HSPA4: variants seen among roughly 807,000 people sequenced by gnomAD.
The protein encoded by HSPA4 is heat shock 70 kDa protein 4.
In HSPA4, 25 loss-of-function variants were observed where a neutral mutation model predicts 106.2. That is an observed-to-expected ratio of 0.24 (90% confidence interval 0.17 to 0.33). The LOEUF (loss-of-function observed/expected upper bound fraction) is 0.33. HSPA4 is among the 10% of genes least tolerant of loss of function. The pLI is 1.00. For synonymous variants in HSPA4, 332 were observed against 333.6 expected, an observed-to-expected ratio of 1.00 and a Z score of 0.05; for missense variants, 841 against 996.0, an observed-to-expected ratio of 0.84 and a Z score of 2.10.
At chr5:133,073,879 T>C in intron 5 of HSPA4, 114 bp from the exon 6 acceptor site, 1 of 604,884 alleles carries the variant, frequency 1.7e-6, no homozygotes, top group Non-Finnish European at 2.6e-6. Context: ...ATTTGATTTC[T>C]AAAACATAAC....
intron 2 of HSPA4, among the ~76,000 whole-genome samples, chr5:133,065,632 A>G (rs1325552892): frequency 6.6e-6 from 1 of 152,216 alleles, no homozygotes; most frequent in Admixed American, 6.5e-5. Context: ...GATATTTTAC[A>G]TGCTCCTTAA....
At chr5:133,080,779 A>G (rs74871729) in intron 7 of HSPA4, among the ~76,000 whole-genome samples, 2,661 of 151,282 alleles carry the variant, frequency 0.018, 78 homozygotes, top group African/African-American at 0.058. Flanking sequence ...TCTGACATTT[A>G]TTCTTATACT....
At chr5:133,092,828 TTTTTTTTTTTG>T in intron 13 of HSPA4, 39 bp downstream of exon 13, 1 of 1,216,306 alleles carries the variant, frequency 8.2e-7, no homozygotes, top group African/African-American at 1.7e-5. Context: ...TTTTTTTTTT[TTTTTTTTTTTG>T]AGACAGAGTT....
rs1235278409 is a variant in HSPA4 at position 133,067,533 on chromosome 5, G to A, written c.282G>A (p.Leu94=). 6.2e-6 allele frequency: 10 copies of A among 1,613,602 alleles called. No individual in the cohort carries two copies. Among genetic ancestry groups the A allele is most frequent in the Non-Finnish European group, 8.5e-6 (10 of 1,179,728 alleles). The part of the protein sequence containing the change: ...KSNLAYDIVQ[L]PTGLTGIKVT... The stretch of plus-strand genomic sequence containing the variant: ...ACCTTGCATATGATATTGTGCAGTT[G>A]CCTACAGGATTAACAGGTATAAAGG... Residue 94 remains leucine (L), a synonymous_variant, in exon 3 of 19, where the codon TTG becomes TTA. Coordinates refer to ENST00000304858, the MANE Select transcript of HSPA4 (RefSeq NM_002154.4).
rs761918529 is a variant in HSPA4, at chr5:133,073,266, G to T, written c.466G>T (p.Val156Leu). The T allele has an allele frequency of 6.2e-7, 1 of 1,611,494 alleles. No homozygotes were observed. Among genetic ancestry groups the T allele is most frequent in the Non-Finnish European group, 8.5e-7 (1 of 1,178,682 alleles). ...CTATACTGATGCAGAAAGACGATCA[G>T]TGATGGATGCAACACAGATTGCTGG... is the stretch of plus-strand genomic sequence containing the variant. ...CFYTDAERRS[V>L]MDATQIAGLN... is the part of the protein sequence containing the mutation. The change falls in exon 5 of 19, where the codon GTG becomes TTG. Residue 156 changes from valine (V) to leucine (L), a missense_variant. Physicochemically the swap from Val to Leu is conservative, Grantham distance 32. Transcript: ENST00000304858.
chr5:133,086,097 G>T (rs1272167907), intron 7 of HSPA4, among the ~76,000 whole-genome samples: 1 of 152,168 alleles, frequency 6.6e-6, no homozygotes, highest in Non-Finnish European at 1.5e-5. Flanking sequence ...CAGCTACTTG[G>T]GAGGCTAAGG....
At chr5:133,076,500 A>G (rs1395207621) in intron 6 of HSPA4, among the ~76,000 whole-genome samples, 154 bp from the exon 7 acceptor site, 5 of 152,196 alleles carry the variant, frequency 3.3e-5, no homozygotes. Flanking sequence ...AGTGTGGGGT[A>G]ATAAGGATTA....
At chr5:133,073,399 G>T in intron 5 of HSPA4, 70 bp downstream of exon 5, 2 of 1,051,980 alleles carry the variant, frequency 1.9e-6, no homozygotes, top group South Asian at 1.4e-5. Flanking sequence ...AAAACCCTGG[G>T]GTTTCTTGCT....
intron 7 of HSPA4, among the ~76,000 whole-genome samples, chr5:133,082,498 C>T (rs1459360787): frequency 6.6e-6 from 1 of 152,028 alleles, no homozygotes; most frequent in Admixed American, 6.6e-5. Flanking sequence ...CAAGTTCTCA[C>T]GTTGTCATGC....
At chr5:133,092,005 C>T (rs990131581) in intron 12 of HSPA4, among the ~76,000 whole-genome samples, 5 of 152,260 alleles carry the variant, frequency 3.3e-5, no homozygotes, top group East Asian at 1.9e-4. Context: ...GTCCTGTTTG[C>T]GCCACTGCAC....
chr5:133,070,790 T>G (rs1255647171), intron 4 of HSPA4, among the ~76,000 whole-genome samples: 2 of 152,090 alleles, frequency 1.3e-5, no homozygotes, highest in Non-Finnish European at 2.9e-5. Context: ...TAATCCCAGC[T>G]ATTCGGGAGG....
chr5:133,052,416 T>C (rs888819143), intron 1 of HSPA4, 59 bp downstream of exon 1: 49 of 1,144,124 alleles, frequency 4.3e-5, no homozygotes, highest in Non-Finnish European at 5.4e-5. Flanking sequence ...CTTGTTCCAG[T>C]CTGGGACCCT....
intron 7 of HSPA4, among the ~76,000 whole-genome samples, chr5:133,077,509 AT>A (rs1245909451): frequency 1.8e-4 from 28 of 152,314 alleles, no homozygotes; most frequent in African/African-American, 6.5e-4. Context: ...AAGTATGAGG[AT>A]TACAGGTGTG....
At chr5:133,097,373 G>T in intron 15 of HSPA4, 87 bp downstream of exon 15, 1 of 1,124,016 alleles carries the variant, frequency 8.9e-7, no homozygotes, top group Non-Finnish European at 1.3e-6. Context: ...AGCTATATGT[G>T]TATAGTAGAA....
intron 1 of HSPA4, chr5:133,052,994 C>A (rs867248279): frequency 6.6e-6 from 1 of 152,386 alleles, no homozygotes; most frequent in South Asian, 2.1e-4. Context: ...CTTTTGTTTT[C>A]CACATTATTT....
At chr5:133,095,151 A>G (rs1170522491) in intron 13 of HSPA4, among the ~76,000 whole-genome samples, 1 of 152,168 alleles carries the variant, frequency 6.6e-6, no homozygotes, top group Non-Finnish European at 1.5e-5. Context: ...CTCTACTAAA[A>G]ATACAAAAAT....
chr5:133,058,427 C>G (rs1386747895), intron 1 of HSPA4, among the ~76,000 whole-genome samples: 11 of 152,182 alleles, frequency 7.2e-5, no homozygotes, highest in Non-Finnish European at 5.9e-5. Context: ...CCTGTAATCT[C>G]AGCACTTGAA....
At position 133,089,142 on chromosome 5, in the gene HSPA4, C is replaced by A; in HGVS notation, c.1225C>A (p.Pro409Thr). The change falls in exon 10 of 19, where the codon CCA (proline) becomes ACA (threonine). Residue 409 changes from proline to threonine, a missense_variant. Coordinates refer to ENST00000304858, the MANE Select transcript of HSPA4 (RefSeq NM_002154.4). ...PYPISLRWNS[P>T]AEEGSSDCEV... is the part of the protein sequence containing the mutation. ...TCCAATATCTCTGAGATGGAATTCT[C>A]CAGCTGAAGAAGGGTCAAGGTATCA... 6.3e-7 allele frequency: 1 copy of A among 1,587,890 alleles called. No homozygotes were observed. Among genetic ancestry groups the A allele is most frequent in the Non-Finnish European group, 8.6e-7 (1 of 1,162,608 alleles).
At chr5:133,060,816 CTT>C (rs34721359) in intron 1 of HSPA4, among the ~76,000 whole-genome samples, 12 of 95,132 alleles carry the variant, frequency 1.3e-4, no homozygotes, top group Admixed American at 2.2e-4. Context: ...TGAAACAGGA[CTT>C]TTTTTTTTTT....
Sources: gnomAD v4.1 joint callset for allele counts (sites outside exome capture counted in the v4.1 genomes callset) on GRCh38, gnomAD v4.1.1 for gene constraint, MANE v1.5 for transcripts, NCBI Gene and HGNC (gene_info 2026-07-23, HGNC 2026-07-21) for gene names.